The following WWOX variants were observed in gnomAD, a reference collection of about 807,000 sequenced individuals.
The protein encoded by WWOX is WW domain-containing oxidoreductase.
WWOX carries 69 observed loss-of-function variants against 46.2 expected under a neutral mutation model. The observed-to-expected ratio is 1.49, with a 90% CI of 1.23 to 1.82. The LOEUF (loss-of-function observed/expected upper bound fraction) is 1.82. WWOX is among the 40% of genes most tolerant of loss of function. WWOX has a pLI of 0.00. For missense variants in WWOX, 919 were observed against 542.6 expected (o/e 1.69, Z -6.89); for synonymous variants, 359 against 202.6 (o/e 1.77, Z -6.56).
intron 8 of WWOX, among the ~76,000 whole-genome samples, chr16:78,920,191 C>G (rs893117007): frequency 6.6e-6 from 1 of 152,154 alleles, no homozygotes; most frequent in Non-Finnish European, 1.5e-5. Flanking sequence ...CACAGCTTCT[C>G]TCTAGGACTC....
intron 5 of WWOX, among the ~76,000 whole-genome samples, chr16:78,386,272 A>G (rs2082058247): frequency 6.6e-6 from 1 of 152,144 alleles, no homozygotes. Context: ...TATTATTCCT[A>G]TCACCAGCAT....
intron 8 of WWOX, among the ~76,000 whole-genome samples, chr16:78,753,667 T>C (rs868522637): frequency 5.1e-4 from 77 of 151,258 alleles, no homozygotes; most frequent in African/African-American, 1.6e-3. Flanking sequence ...CTGGGCATTG[T>C]GGTATGTACC....
At chr16:78,530,881 C>T (rs185585680) in intron 8 of WWOX, among the ~76,000 whole-genome samples, 7 of 152,280 alleles carry the variant, frequency 4.6e-5, no homozygotes, top group Admixed American at 1.3e-4. Context: ...CTGTGCTAAA[C>T]GTTTTACAAC....
chr16:78,934,244 A>G (rs911101679), intron 8 of WWOX, among the ~76,000 whole-genome samples: 5 of 151,020 alleles, frequency 3.3e-5, no homozygotes, highest in African/African-American at 1.2e-4. Context: ...AGGCTGAGGC[A>G]GGAGAATGGC....
intron 5 of WWOX, among the ~76,000 whole-genome samples, chr16:78,333,407 A>T (rs1001397344): frequency 6.6e-6 from 1 of 152,096 alleles, no homozygotes; most frequent in Non-Finnish European, 1.5e-5. Context: ...TATATAGAAA[A>T]AGTTGCCTTA....
chr16:78,617,372 A>C (rs1181470637), intron 8 of WWOX, among the ~76,000 whole-genome samples: 2 of 150,264 alleles, frequency 1.3e-5, no homozygotes, highest in African/African-American at 2.5e-5. Context: ...ACTGCACCCC[A>C]GCCTGGGCCA....
At chr16:78,936,086 G>T (rs900781230) in intron 8 of WWOX, among the ~76,000 whole-genome samples, 7 of 152,188 alleles carry the variant, frequency 4.6e-5, no homozygotes, top group East Asian at 3.9e-4. Context: ...GTAAGTAATT[G>T]GTTGTGATTG....
chr16:78,119,340 T>G (rs1207435793), intron 4 of WWOX, among the ~76,000 whole-genome samples: 1 of 152,202 alleles, frequency 6.6e-6, no homozygotes. Context: ...GGTCCCTGCT[T>G]CGTTTTTAGA....
intron 8 of WWOX, among the ~76,000 whole-genome samples, chr16:78,904,746 C>T (rs55760002): frequency 6.6e-6 from 1 of 152,174 alleles, no homozygotes; most frequent in African/African-American, 2.4e-5. Context: ...TATCTATGAT[C>T]TGTCACACTT....
At chr16:78,146,234 G>T (rs967180643) in intron 4 of WWOX, among the ~76,000 whole-genome samples, 5 of 152,086 alleles carry the variant, frequency 3.3e-5, no homozygotes, top group Non-Finnish European at 5.9e-5. Flanking sequence ...AAGACCCTCT[G>T]CCTGGCAAGC....
chr16:78,889,374 G>C (rs1026551568), intron 8 of WWOX, among the ~76,000 whole-genome samples: 2 of 120,480 alleles, frequency 1.7e-5, no homozygotes, highest in African/African-American at 6.7e-5. Flanking sequence ...TTTATACTAT[G>C]GATCAGCAGC....
chr16:78,602,941 C>T (rs1391842417), intron 8 of WWOX, among the ~76,000 whole-genome samples: 1 of 152,184 alleles, frequency 6.6e-6, no homozygotes, highest in Non-Finnish European at 1.5e-5. Flanking sequence ...TGCTGATTAG[C>T]TTTCTCTTTC....
At chr16:78,148,077 A>G (rs1392411457) in intron 4 of WWOX, among the ~76,000 whole-genome samples, 1 of 152,154 alleles carries the variant, frequency 6.6e-6, no homozygotes, top group East Asian at 1.9e-4. Flanking sequence ...AGCTGTGAAA[A>G]CAATGAGACA....
In WWOX at chr16:78,699,688, C is replaced by T. The variant is rs567921127; in HGVS notation, c.1056+266936C>T. 8.5e-5 allele frequency among the ~76,000 whole-genome samples: 13 copies of T among 152,292 alleles called. No individual in the cohort carries two copies. In the South Asian group the frequency reaches 1.4e-3, roughly 17 times the overall value. ...AGAGTCAGCTATTCCCTCTTCTGCC[C>T]GCTGATATCTACAGCCTCTACCAGA... On this transcript the variant is annotated intron_variant, in intron 8 of 8. Coordinates refer to ENST00000566780, the MANE Select transcript of WWOX (RefSeq NM_016373.4).
chr16:78,798,383 C>A (rs1207739426), intron 8 of WWOX, among the ~76,000 whole-genome samples: 1 of 152,058 alleles, frequency 6.6e-6, no homozygotes, highest in Non-Finnish European at 1.5e-5. Flanking sequence ...ATAACACAAC[C>A]CAAGGATGTC....
chr16:78,511,481 G>A (rs2085358900), intron 8 of WWOX, among the ~76,000 whole-genome samples: 2 of 152,362 alleles, frequency 1.3e-5, no homozygotes, highest in South Asian at 4.1e-4. Context: ...TAGTACTTCA[G>A]AGGGCAGGCC....
At chr16:78,276,661 A>G (rs1320311864) in intron 5 of WWOX, among the ~76,000 whole-genome samples, 3 of 152,218 alleles carry the variant, frequency 2.0e-5, no homozygotes, top group African/African-American at 4.8e-5. Flanking sequence ...CAGTGTTTGT[A>G]GCTGTGATCT....
intron 8 of WWOX, among the ~76,000 whole-genome samples, chr16:78,587,193 C>CTTTTTTTTTTTTTTTTT (rs528293412): frequency 5.3e-5 from 6 of 112,890 alleles, no homozygotes; most frequent in African/African-American, 1.7e-4. Flanking sequence ...GCCTGGCTAA[C>CTTTTTTTTTTTTTTTTT]TTTTTTTTTT....
intron 8 of WWOX, among the ~76,000 whole-genome samples, chr16:78,499,387 G>A (rs540405800): frequency 2.6e-5 from 4 of 152,298 alleles, no homozygotes; most frequent in African/African-American, 4.8e-5. Context: ...GCCCCTTTGT[G>A]ATAGTCTCAT....
Sources: gnomAD v4.1 joint callset for allele counts (sites outside exome capture counted in the v4.1 genomes callset) on GRCh38, gnomAD v4.1.1 for gene constraint, MANE v1.5 for transcripts, NCBI Gene and HGNC (gene_info 2026-07-23, HGNC 2026-07-21) for gene names.